The following TBC1D16 variants were observed in gnomAD, a reference collection of about 807,000 sequenced individuals.
The protein encoded by TBC1D16 is CTD-2529O21.1.
Under a neutral mutation model 74.7 loss-of-function variants are expected in TBC1D16, and 58 were observed. The observed-to-expected ratio is 0.78, with a 90% CI of 0.63 to 0.97. The LOEUF is 0.97. Among genes scored for constraint, TBC1D16 ranks in the 50% least tolerant of loss-of-function variants. TBC1D16 has a pLI of 0.00. For synonymous variants in TBC1D16, 493 were observed against 474.7 expected, an observed-to-expected ratio of 1.04 and a Z score of -0.50; for missense variants, 1,014 against 1,079.5, an observed-to-expected ratio of 0.94 and a Z score of 0.85.
In TBC1D16 at chr17:80,001,180, C is replaced by T. The variant is rs2035472020; in HGVS notation, c.779+8980G>A. 6.6e-6 allele frequency among the ~76,000 whole-genome samples: 1 copy of T among 152,368 alleles called. No individual in the cohort carries two copies. The highest frequency in any genetic ancestry group is 2.4e-5 in the African/African-American group (1 of 41,598). On this transcript the variant is annotated intron_variant, in intron 3 of 11. Transcript: ENST00000310924. This position sits in a 1 kb window ranked among gnomAD's most constrained non-coding sequence, Gnocchi z 5.8. ...GGCTCTGACCAGCCAGCTGCCCTTC[C>T]CGTAACAGCTTCCCTCAGACCCCTG...
Position 80,007,899 on chromosome 17 carries a change from T to C in TBC1D16, c.779+2261A>G, listed in dbSNP as rs2035738420. ...GAGTGAAGGAGATGGTGCTTCATCCTGAAAATGATGGGCGGCCCCCGGTGG... is the reference window on the plus strand; with the variant it reads ...GAGTGAAGGAGATGGTGCTTCATCCCGAAAATGATGGGCGGCCCCCGGTGG... On this transcript the variant is annotated intron_variant, in intron 3 of 11. Transcript: ENST00000310924. The surrounding 1 kb of genome is among the most constrained non-coding windows in gnomAD (Gnocchi z 4.5). Among the ~76,000 whole-genome samples, 2 of 151,982 alleles carry C rather than the reference T, an allele frequency of 1.3e-5. No individual in the cohort carries two copies. The highest frequency in any genetic ancestry group is 4.2e-4 in the South Asian group (2 of 4,808).
intron 3 of TBC1D16, among the ~76,000 whole-genome samples, chr17:79,974,824 G>T (rs558319823): frequency 2.7e-4 from 41 of 152,266 alleles, no homozygotes; most frequent in African/African-American, 9.6e-4. Context: ...CTGGGTTCAC[G>T]CTCAGGTTTA....
At chr17:79,984,541 T>C (rs1036632743) in intron 3 of TBC1D16, among the ~76,000 whole-genome samples, 1 of 100,224 alleles carries the variant, frequency 1.0e-5, no homozygotes, top group African/African-American at 4.2e-5. Flanking sequence ...GGTGCTACTT[T>C]TATAATTAAA....
rs535473900 is a variant in TBC1D16, at chr17:79,946,198, A to G, written c.1729-1111T>C. Among the ~76,000 whole-genome samples, 9 of 152,268 alleles carry G rather than the reference A, an allele frequency of 5.9e-5. No homozygotes were observed. In the South Asian group the frequency reaches 1.7e-3, roughly 28 times the overall value. On this transcript the variant is annotated intron_variant, in intron 9 of 11. Coordinates refer to ENST00000310924, the MANE Select transcript of TBC1D16 (RefSeq NM_019020.4). Reference sequence around the variant, plus strand: ...CTAGGGACCCGTTTCCTGGAAGACAATTTTTCCACGGACAAGGTAGTGCGA... The same window carrying G: ...CTAGGGACCCGTTTCCTGGAAGACAGTTTTTCCACGGACAAGGTAGTGCGA...
intron 3 of TBC1D16, chr17:79,992,717 A>G (rs796452012): frequency 2.0e-5 from 3 of 152,176 alleles, no homozygotes; most frequent in African/African-American, 7.2e-5. Context: ...GTGACCACAT[A>G]TCTGCCACTA....
At chr17:79,969,584 C>CA (rs1380088048) in intron 3 of TBC1D16, among the ~76,000 whole-genome samples, 5 of 152,148 alleles carry the variant, frequency 3.3e-5, no homozygotes, top group African/African-American at 1.2e-4. Flanking sequence ...GGTAGGTCCT[C>CA]AAAAATTAAA....
chr17:79,984,199 C>CT (rs1254977858), intron 3 of TBC1D16, among the ~76,000 whole-genome samples: 6 of 152,246 alleles, frequency 3.9e-5, no homozygotes, highest in Admixed American at 2.0e-4. Flanking sequence ...TTTTTCAATA[C>CT]TTTTTTGTAA....
intron 1 of TBC1D16, among the ~76,000 whole-genome samples, chr17:80,016,252 G>A (rs2036086451): frequency 6.6e-6 from 1 of 151,944 alleles, no homozygotes; most frequent in Admixed American, 6.6e-5. Flanking sequence ...GTGGGTGCCA[G>A]GGGGTGAGGT....
At chr17:80,020,228 T>A (rs920390908) in intron 1 of TBC1D16, among the ~76,000 whole-genome samples, 14 of 149,716 alleles carry the variant, frequency 9.4e-5, no homozygotes, top group African/African-American at 3.6e-4. Flanking sequence ...TCAAGCCACC[T>A]GGACCCTGGT....
rs1264655211 is a variant in TBC1D16 at position 79,933,120 on chromosome 17, A to C, written c.*7739T>G. On this transcript the variant is annotated 3_prime_UTR_variant, in exon 12 of 12. Transcript: ENST00000310924. ...GAGGAGGAGCCACCACTTCCGAAGC[A>C]TCAGAATGTCAAAATCTAAGTTTTC... is the stretch of plus-strand genomic sequence containing the variant. 1 of 152,316 alleles carries C rather than the reference A, an allele frequency of 6.6e-6. No individual in the cohort carries two copies. Among genetic ancestry groups the C allele is most frequent in the Non-Finnish European group, 1.5e-5 (1 of 68,124 alleles). The allele number at this position is 152,316 out of a possible 1,614,324, so 9.4% of individuals were successfully genotyped here.
chr17:79,972,603 G>A (rs1394424046), intron 3 of TBC1D16, among the ~76,000 whole-genome samples: 1 of 152,216 alleles, frequency 6.6e-6, no homozygotes, highest in Admixed American at 6.5e-5. Context: ...GGTCCCCAGA[G>A]CAGTCAATCT....
Position 80,001,181 on chromosome 17 carries a change from C to CAA in TBC1D16, c.779+8978_779+8979insTT, listed in dbSNP as rs1171335685. Among the ~76,000 whole-genome samples the CAA allele has an allele frequency of 6.6e-6, 1 of 152,228 alleles. No homozygotes were observed. Among genetic ancestry groups the CAA allele is most frequent in the African/African-American group, 2.4e-5 (1 of 41,466 alleles). On this transcript the variant is annotated intron_variant, in intron 3 of 11. Transcript: ENST00000310924. The surrounding 1 kb of genome is among the most constrained non-coding windows in gnomAD (Gnocchi z 5.8). ...GCTCTGACCAGCCAGCTGCCCTTCC[C>CAA]GTAACAGCTTCCCTCAGACCCCTGG...
In TBC1D16 at chr17:79,944,935, G is replaced by C; in HGVS notation, c.1881C>G (p.Ile627Met). The C allele has an allele frequency of 6.4e-7, 1 of 1,552,428 alleles. No individual in the cohort carries two copies. Among genetic ancestry groups the C allele is most frequent in the South Asian group, 1.2e-5 (1 of 84,150 alleles). Residue 627 changes from isoleucine (I) to methionine (M), a missense_variant, in exon 10 of 12, where the codon ATC (isoleucine) becomes ATG (methionine). Physicochemically the swap from Ile to Met is conservative, Grantham distance 10. Transcript: ENST00000310924. This position sits in a 1 kb window ranked among gnomAD's most constrained non-coding sequence, Gnocchi z 7.7. Reference protein sequence around the residue: ...REFPEAEALRIWEACWAHYQT... With the variant: ...REFPEAEALRMWEACWAHYQT... ...GGTAGTGGGCCCAGCAGGCCTCCCA[G>C]ATCCGCAGCGCTTCGGCCTCGGGGA...
intron 9 of TBC1D16, among the ~76,000 whole-genome samples, chr17:79,947,319 G>A (rs2032626728): frequency 6.6e-6 from 1 of 152,150 alleles, no homozygotes; most frequent in African/African-American, 2.4e-5. Context: ...ATTTTCTAAG[G>A]CTCAGAGGGG....
At chr17:79,943,886 T>A (rs1185577430) in intron 10 of TBC1D16, 1 of 1,407,892 alleles carries the variant, frequency 7.1e-7, no homozygotes, top group Admixed American at 2.9e-5. Flanking sequence ...AGGCACGATT[T>A]TTTTTAATTC....
At chr17:80,004,199 G>A (rs1449609286) in intron 3 of TBC1D16, among the ~76,000 whole-genome samples, 1 of 152,260 alleles carries the variant, frequency 6.6e-6, no homozygotes, top group Non-Finnish European at 1.5e-5. Context: ...GGACGGCGCA[G>A]ACCTGGGTTC....
At chr17:80,005,773 C>T (rs2035650632) in intron 3 of TBC1D16, among the ~76,000 whole-genome samples, 1 of 152,286 alleles carries the variant, frequency 6.6e-6, no homozygotes, top group South Asian at 2.1e-4. Flanking sequence ...CATGCAGACC[C>T]CACCTGGCCA....
chr17:80,001,727 CT>C lies in TBC1D16; in HGVS notation c.779+8432del, dbSNP rs1408945321. On this transcript the variant is annotated intron_variant, in intron 3 of 11. Transcript: ENST00000310924. The surrounding 1 kb of genome is among the most constrained non-coding windows in gnomAD (Gnocchi z 5.8). ...CTGGATATCTGTGCTGCACCTGCCC[CT>C]GGTCCCTGCTGCTGCTGGAGTGGCC... 5.3e-5 allele frequency among the ~76,000 whole-genome samples: 8 copies of C among 152,232 alleles called. No homozygotes were observed. Among genetic ancestry groups the C allele is most frequent in the African/African-American group, 1.9e-4 (8 of 41,546 alleles).
chr17:79,944,212 G>A lies in TBC1D16; in HGVS notation c.1908+696C>T, dbSNP rs942052496. 5.5e-6 allele frequency: 8 copies of A among 1,444,608 alleles called. No homozygotes were observed. The highest frequency in any genetic ancestry group is 2.8e-5 in the African/African-American group (2 of 71,328). 89.5% of individuals were successfully genotyped at this position (1,444,608 alleles called of 1,614,324 possible). ...TCTGACGGAGGCTGCTGGAGCTGCC[G>A]TGGTGGATAGAGCCAGCTCCTGCAA... is the stretch of plus-strand genomic sequence containing the variant. On this transcript the variant is annotated intron_variant, in intron 10 of 11. Coordinates refer to ENST00000310924, the MANE Select transcript of TBC1D16 (RefSeq NM_019020.4). This position sits in a 1 kb window ranked among gnomAD's most constrained non-coding sequence, Gnocchi z 7.7.
Sources: allele counts gnomAD v4.1 joint callset (sites outside exome capture counted in the v4.1 genomes callset), GRCh38; gene constraint gnomAD v4.1.1; non-coding constraint Gnocchi (gnomAD v3.1); transcripts MANE v1.5; gene names NCBI Gene and HGNC (gene_info 2026-07-23, HGNC 2026-07-21).